The following SPAG16 variants were observed in gnomAD, a reference collection of about 807,000 sequenced individuals.
SPAG16 encodes sperm-associated antigen 16 protein.
SPAG16 carries 86 observed loss-of-function variants against 80.4 expected under a neutral mutation model. The observed-to-expected ratio is 1.07, with a 90% CI of 0.90 to 1.28. The LOEUF (loss-of-function observed/expected upper bound fraction) is 1.28, where lower values mean the gene tolerates loss of function less well. Among genes scored for constraint, SPAG16 ranks in the 50% most tolerant of loss-of-function variants. The pLI, the probability that SPAG16 is intolerant of heterozygous loss-of-function variation, is 0.00. For missense variants in SPAG16, 870 were observed against 765.3 expected, an observed-to-expected ratio of 1.14 and a Z score of -1.61; for synonymous variants, 294 against 265.9, an observed-to-expected ratio of 1.11 and a Z score of -1.03.
chr2:214,036,157 A>G (rs2048686699), intron 13 of SPAG16, among the ~76,000 whole-genome samples: 1 of 152,150 alleles, frequency 6.6e-6, no homozygotes, highest in East Asian at 1.9e-4. Context: ...TCTATTTTGT[A>G]CAATAGGTTA....
chr2:214,009,731 G>A (rs931334438), intron 12 of SPAG16, among the ~76,000 whole-genome samples: 1 of 152,112 alleles, frequency 6.6e-6, no homozygotes. Context: ...ACACGTCAGG[G>A]ATTGGGTCAA....
In SPAG16 at chr2:214,280,581, GT is replaced by G. The variant is rs139899643; in HGVS notation, c.1721-129551del. ...ATCCACATATGGGCAACTGTTGTTC[GT>G]TTTTTTTAAATTTATCGTCTTTCTG... On this transcript the variant is annotated intron_variant, in intron 15 of 15. Transcript: ENST00000331683. 14 of 204,222 alleles carry G rather than the reference GT, an allele frequency of 6.9e-5. 1 individual carries two copies. The highest frequency in any genetic ancestry group is 2.5e-4 in the East Asian group (2 of 7,946). 12.7% of individuals were successfully genotyped at this position (204,222 alleles called of 1,614,324 possible).
intron 9 of SPAG16, among the ~76,000 whole-genome samples, chr2:213,383,167 A>G (rs1044505355): frequency 3.9e-5 from 6 of 152,044 alleles, no homozygotes; most frequent in African/African-American, 1.4e-4. Context: ...GGATCTGGCA[A>G]CCTCCTTTTA....
intron 9 of SPAG16, among the ~76,000 whole-genome samples, chr2:213,379,580 A>G (rs1844227): frequency 0.22 from 33,484 of 152,148 alleles, 4,532 homozygotes; most frequent in Non-Finnish European, 0.31. Flanking sequence ...TGGCAGAAGC[A>G]TTGCTTTTAG....
In SPAG16 at chr2:213,340,278, T is replaced by C; in HGVS notation, c.644+8T>C. On this transcript the variant is annotated splice_region_variant and intron_variant, in intron 6 of 15. Transcript: ENST00000331683. ...AATTAATGACCTCAAAGGGTAAGCT[T>C]ATACTTGTTGGCATATTTATTAAAG... 1 of 1,528,942 alleles carries C rather than the reference T, an allele frequency of 6.5e-7. No homozygotes were observed. Among genetic ancestry groups the C allele is most frequent in the Non-Finnish European group, 9.0e-7 (1 of 1,111,976 alleles). The allele number at this position is 1,528,942 out of a possible 1,614,324, so 94.7% of individuals were successfully genotyped here.
chr2:213,729,559 C>T (rs2066934369), intron 10 of SPAG16, among the ~76,000 whole-genome samples: 1 of 152,198 alleles, frequency 6.6e-6, no homozygotes, highest in Non-Finnish European at 1.5e-5. Context: ...ATTATCTTGA[C>T]AGTGACCCAA....
intron 10 of SPAG16, among the ~76,000 whole-genome samples, chr2:213,821,919 T>C (rs1014059063): frequency 6.6e-6 from 1 of 152,220 alleles, no homozygotes; most frequent in Non-Finnish European, 1.5e-5. Flanking sequence ...CCATTTTTTA[T>C]ATGTACCACA....
intron 15 of SPAG16, among the ~76,000 whole-genome samples, chr2:214,213,785 A>G (rs973915895): frequency 2.0e-5 from 3 of 152,324 alleles, no homozygotes; most frequent in Non-Finnish European, 4.4e-5. Context: ...GTATACTACT[A>G]TCTCCTCAAA....
chr2:214,320,222 C>T (rs560387213), intron 15 of SPAG16, among the ~76,000 whole-genome samples: 2 of 152,280 alleles, frequency 1.3e-5, no homozygotes, highest in South Asian at 4.2e-4. Flanking sequence ...TATAGGTAGC[C>T]ACCTTTGCCT....
intron 13 of SPAG16, among the ~76,000 whole-genome samples, chr2:214,100,907 A>G (rs888741997): frequency 2.6e-5 from 4 of 151,888 alleles, no homozygotes; most frequent in African/African-American, 7.3e-5. Flanking sequence ...GCCTTGGAGG[A>G]AAAAAAATGA....
chr2:214,172,610 A>G (rs1172552028), intron 15 of SPAG16, among the ~76,000 whole-genome samples: 2 of 152,120 alleles, frequency 1.3e-5, no homozygotes, highest in African/African-American at 4.8e-5. Flanking sequence ...CTTTGGGTAT[A>G]TACCCAGTAG....
At position 213,322,334 on chromosome 2, in the gene SPAG16, C is replaced by CAAAAAAAAAAAAA. The variant is rs755345457; in HGVS notation, c.536+4988_536+5000dup. ...TCTTCTTTCCATAGTGTAGACAATG[C>CAAAAAAAAAAAAA]AAAAAAAAAAAAAAAAAAAAAACAA... On this transcript the variant is annotated intron_variant, in intron 5 of 15. Transcript: ENST00000331683. Among the ~76,000 whole-genome samples, 2 of 23,680 alleles carry CAAAAAAAAAAAAA rather than the reference C, an allele frequency of 8.4e-5. 1 individual carries two copies. Among genetic ancestry groups the CAAAAAAAAAAAAA allele is most frequent in the Non-Finnish European group, 1.7e-4 (2 of 11,480 alleles). 15.5% of individuals were successfully genotyped at this position (23,680 alleles called of 152,430 possible).
At chr2:213,864,245 G>A (rs893401451) in intron 11 of SPAG16, among the ~76,000 whole-genome samples, 13 of 152,018 alleles carry the variant, frequency 8.6e-5, no homozygotes, top group African/African-American at 3.1e-4. Context: ...AGATAGTGTT[G>A]ATAGATTAAA....
chr2:214,384,609 C>G (rs933699239), intron 15 of SPAG16, among the ~76,000 whole-genome samples: 14 of 152,324 alleles, frequency 9.2e-5, no homozygotes, highest in African/African-American at 3.4e-4. Flanking sequence ...GGATGTCCTC[C>G]TGGATAAACA....
intron 9 of SPAG16, among the ~76,000 whole-genome samples, chr2:213,393,525 T>C (rs1021619844): frequency 7.2e-5 from 11 of 152,116 alleles, no homozygotes; most frequent in African/African-American, 2.7e-4. Context: ...TATTTACTTT[T>C]TTGTATTATT....
chr2:214,218,134 C>T (rs1484618399), intron 15 of SPAG16, among the ~76,000 whole-genome samples: 4 of 152,120 alleles, frequency 2.6e-5, no homozygotes, highest in Non-Finnish European at 5.9e-5. Context: ...TTTCAAAATG[C>T]TTTAATGTGT....
intron 15 of SPAG16, among the ~76,000 whole-genome samples, chr2:214,375,278 T>C (rs1190815300): frequency 6.6e-6 from 1 of 152,142 alleles, no homozygotes; most frequent in Non-Finnish European, 1.5e-5. Flanking sequence ...ATATGTGAAA[T>C]TGTTAGAAAA....
chr2:214,218,332 T>G (rs1231966976), intron 15 of SPAG16, among the ~76,000 whole-genome samples: 1 of 152,168 alleles, frequency 6.6e-6, no homozygotes, highest in Non-Finnish European at 1.5e-5. Context: ...TGAGAATTGC[T>G]GTTCTGGAAA....
intron 15 of SPAG16, among the ~76,000 whole-genome samples, chr2:214,316,064 TAAC>T (rs1363433455): frequency 6.6e-6 from 1 of 152,066 alleles, no homozygotes; most frequent in African/African-American, 2.4e-5. Flanking sequence ...GTCTTCTGTA[TAAC>T]AACTTCTTTG....
Sources: allele counts gnomAD v4.1 joint callset (sites outside exome capture counted in the v4.1 genomes callset), GRCh38; gene constraint gnomAD v4.1.1; transcripts MANE v1.5; gene names NCBI Gene and HGNC (gene_info 2026-07-23, HGNC 2026-07-21).